The following DCC variants were observed in gnomAD, a reference collection of about 807,000 sequenced individuals.
The protein encoded by DCC is netrin receptor DCC.
DCC carries 58 observed loss-of-function variants against 172.5 expected under a neutral mutation model. The ratio of observed to expected loss-of-function variants is 0.34; its 90% CI spans 0.27 to 0.42. The LOEUF (loss-of-function observed/expected upper bound fraction) is 0.42. Among genes scored for constraint, DCC ranks in the 10% least tolerant of loss-of-function variants. DCC has a pLI of 1.00. For missense variants in DCC, 1,740 were observed against 1,791.0 expected (o/e 0.97, Z 0.51); for synonymous variants, 709 against 644.5 (o/e 1.10, Z -1.52).
chr18:53,271,195 G>A (rs995591694), intron 12 of DCC, among the ~76,000 whole-genome samples: 1 of 152,138 alleles, frequency 6.6e-6, no homozygotes, highest in South Asian at 2.1e-4. Context: ...ATCTAGAAAA[G>A]TGCTATTGAA....
intron 15 of DCC, among the ~76,000 whole-genome samples, chr18:53,358,308 G>A (rs1252963081): frequency 1.3e-5 from 2 of 151,828 alleles, no homozygotes; most frequent in African/African-American, 4.8e-5. Context: ...TCATTTAGTT[G>A]ACATTAATCA....
At chr18:52,723,743 G>T (rs1207667307) in intron 1 of DCC, among the ~76,000 whole-genome samples, 1 of 152,178 alleles carries the variant, frequency 6.6e-6, no homozygotes, top group Non-Finnish European at 1.5e-5. Flanking sequence ...ATGCAAGGAA[G>T]TCTTTATATC....
intron 1 of DCC, among the ~76,000 whole-genome samples, chr18:52,713,774 T>C (rs981039554): frequency 2.0e-5 from 3 of 152,160 alleles, no homozygotes; most frequent in Non-Finnish European, 1.5e-5. Context: ...AAGGGAAGTG[T>C]TAAGCCTATA....
intron 5 of DCC, among the ~76,000 whole-genome samples, chr18:52,947,332 A>G (rs531758988): frequency 6.6e-6 from 1 of 152,306 alleles, no homozygotes; most frequent in South Asian, 2.1e-4. Flanking sequence ...AACTGTCTAT[A>G]TATTTGTACT....
At position 52,752,140 on chromosome 18, in the gene DCC, G is replaced by T. The variant is rs1347472471; in HGVS notation, c.178G>T (p.Asp60Tyr). The T allele has an allele frequency of 8.1e-6, 13 of 1,614,112 alleles. No individual in the cohort carries two copies. The highest frequency in any genetic ancestry group is 1.7e-5 in the Admixed American group (1 of 60,022). The change falls in exon 2 of 29, where the codon GAC (aspartate) becomes TAC (tyrosine). Residue 60 changes from aspartate (D) to tyrosine (Y), a missense_variant. Physicochemically the swap from Asp to Tyr is radical, Grantham distance 160 (BLOSUM62 -3). Coordinates refer to ENST00000442544, the MANE Select transcript of DCC (RefSeq NM_005215.4). ...VTMRGGNVLL[D>Y]CSAESDRGVP... ...AATGCGGGGAGGAAATGTCCTCCTC[G>T]ACTGCTCCGCGGAGTCCGACCGAGG...
chr18:52,591,155 G>T (rs1210113242), intron 1 of DCC, among the ~76,000 whole-genome samples: 1 of 152,136 alleles, frequency 6.6e-6, no homozygotes, highest in Non-Finnish European at 1.5e-5. Context: ...AACCTGCTAT[G>T]ACCTGAGAGG....
chr18:52,699,704 A>G (rs1327392692), intron 1 of DCC, among the ~76,000 whole-genome samples: 1 of 152,190 alleles, frequency 6.6e-6, no homozygotes, highest in Non-Finnish European at 1.5e-5. Flanking sequence ...AGAAAAGTTC[A>G]TACCTTTTTA....
intron 5 of DCC, among the ~76,000 whole-genome samples, chr18:52,999,516 A>T (rs2041533148): frequency 6.6e-6 from 1 of 152,060 alleles, no homozygotes; most frequent in Admixed American, 6.6e-5. Context: ...TTCAGTGACT[A>T]AGAAAGTGAA....
intron 20 of DCC, among the ~76,000 whole-genome samples, chr18:53,412,646 G>A (rs1415447727): frequency 8.5e-6 from 1 of 118,274 alleles, no homozygotes; most frequent in African/African-American, 2.6e-5. Context: ...AAAACTCCCA[G>A]TACTCACTGG....
At chr18:53,255,893 A>G (rs1483314745) in intron 12 of DCC, among the ~76,000 whole-genome samples, 2 of 152,050 alleles carry the variant, frequency 1.3e-5, no homozygotes, top group Non-Finnish European at 2.9e-5. Context: ...TGACTTTTTA[A>G]TGATCACCAT....
At chr18:52,391,464 C>T (rs1049587140) in intron 1 of DCC, among the ~76,000 whole-genome samples, 2 of 152,032 alleles carry the variant, frequency 1.3e-5, no homozygotes, top group African/African-American at 2.4e-5. Flanking sequence ...ATTGTTTGAC[C>T]AGAGGAAGTT....
chr18:52,998,596 C>T (rs998148616), intron 5 of DCC, among the ~76,000 whole-genome samples: 1 of 152,002 alleles, frequency 6.6e-6, no homozygotes, highest in Non-Finnish European at 1.5e-5. Flanking sequence ...GAAATTGCAA[C>T]TAGAAGAGAA....
chr18:53,495,036 G>T (rs1291415228), intron 26 of DCC, among the ~76,000 whole-genome samples: 1 of 152,130 alleles, frequency 6.6e-6, no homozygotes, highest in Non-Finnish European at 1.5e-5. Context: ...TGTCTGTAAA[G>T]GATTTTATTT....
chr18:53,472,997 TTC>T (rs1238703789), intron 25 of DCC, among the ~76,000 whole-genome samples: 7 of 152,248 alleles, frequency 4.6e-5, no homozygotes, highest in African/African-American at 1.7e-4. Context: ...CATTTGTTTT[TTC>T]CCTTTACATA....
At chr18:53,144,187 A>C (rs759846646) in intron 7 of DCC, among the ~76,000 whole-genome samples, 9 of 152,192 alleles carry the variant, frequency 5.9e-5, no homozygotes, top group Non-Finnish European at 1.3e-4. Context: ...ATTGTCATTC[A>C]TATTTCCATC....
At chr18:52,496,091 T>C (rs1389118498) in intron 1 of DCC, among the ~76,000 whole-genome samples, 3 of 152,172 alleles carry the variant, frequency 2.0e-5, no homozygotes, top group African/African-American at 7.2e-5. Context: ...CAGTAAGGGA[T>C]AGCAGTGTTA....
At chr18:53,229,701 T>A (rs1422399117) in intron 12 of DCC, among the ~76,000 whole-genome samples, 1 of 152,052 alleles carries the variant, frequency 6.6e-6, no homozygotes, top group Non-Finnish European at 1.5e-5. Context: ...GAAGGGCGGA[T>A]GCTAGGATTG....
intron 13 of DCC, among the ~76,000 whole-genome samples, chr18:53,321,378 A>G (rs1012428971): frequency 1.3e-5 from 2 of 152,146 alleles, no homozygotes; most frequent in Non-Finnish European, 2.9e-5. Flanking sequence ...AGTCACTTAC[A>G]TCAAAAATTT....
intron 1 of DCC, among the ~76,000 whole-genome samples, chr18:52,625,168 T>C (rs2034550858): frequency 6.6e-6 from 1 of 152,180 alleles, no homozygotes. Context: ...AATAATCTTA[T>C]GCAGACTCCA....
Sources: allele counts gnomAD v4.1 joint callset (sites outside exome capture counted in the v4.1 genomes callset), GRCh38; gene constraint gnomAD v4.1.1; transcripts MANE v1.5; gene names NCBI Gene and HGNC (gene_info 2026-07-23, HGNC 2026-07-21).